The following SERPINB7 variants were observed in gnomAD, a reference collection of about 807,000 sequenced individuals.
SERPINB7 encodes serpin family B member 7.
Under a neutral mutation model 37.4 loss-of-function variants are expected in SERPINB7, and 31 were observed. That is an observed-to-expected ratio of 0.83 (90% CI 0.62 to 1.12). The LOEUF (loss-of-function observed/expected upper bound fraction) is 1.12. Ranked by LOEUF, SERPINB7 falls within the 50% of genes most tolerant of loss-of-function variation. SERPINB7 has a pLI of 0.00. For missense variants in SERPINB7, 521 were observed against 455.3 expected (o/e 1.14, Z -1.31); for synonymous variants, 163 against 166.1 (o/e 0.98, Z 0.14).
chr18:63,785,354 CT>C (rs1189673212), intron 2 of SERPINB7, among the ~76,000 whole-genome samples: 1 of 152,060 alleles, frequency 6.6e-6, no homozygotes, highest in East Asian at 1.9e-4. Flanking sequence ...GTTTCTTTTT[CT>C]TTTTGATGCT....
chr18:63,786,210 GTATATATATA>G lies in SERPINB7; in HGVS notation c.168+3685_168+3694del, dbSNP rs143561199. ...ACACACACCAGCATGGCACATACGT[GTATATATATA>G]TATATATATATATACACACACACAC... On this transcript the variant is annotated intron_variant, in intron 2 of 7. Coordinates refer to ENST00000398019, the MANE Select transcript of SERPINB7 (RefSeq NM_003784.4). 1.4e-4 allele frequency among the ~76,000 whole-genome samples: 9 copies of G among 64,302 alleles called. 1 individual carries two copies. The highest frequency in any genetic ancestry group is 4.8e-4 in the African/African-American group (9 of 18,584). 42.2% of individuals were successfully genotyped at this position (64,302 alleles called of 152,430 possible).
intron 1 of SERPINB7, among the ~76,000 whole-genome samples, chr18:63,754,035 G>A (rs1169125231): frequency 1.3e-5 from 2 of 152,186 alleles, no homozygotes; most frequent in Non-Finnish European, 2.9e-5. Flanking sequence ...AACAGAAATG[G>A]TAACAGCAGA....
intron 2 of SERPINB7, among the ~76,000 whole-genome samples, chr18:63,783,850 T>C (rs1378517091): frequency 6.6e-6 from 1 of 152,206 alleles, no homozygotes; most frequent in Non-Finnish European, 1.5e-5. Context: ...TTGTAACCTG[T>C]CATACCTCAG....
intron 1 of SERPINB7, among the ~76,000 whole-genome samples, chr18:63,759,289 C>A (rs535818711): frequency 2.0e-5 from 3 of 150,508 alleles, no homozygotes; most frequent in East Asian, 3.9e-4. Flanking sequence ...AATGCCATTA[C>A]CTGGAGCATT....
In SERPINB7 at chr18:63,796,217, CTTAG is replaced by C. The variant is rs750543949; in HGVS notation, c.337-46_337-43del. The stretch of plus-strand genomic sequence containing the variant: ...AGTTCAAAAATACATTTCTTATATA[CTTAG>C]TTGGTGATGATTTGTAAATACGAGA... On this transcript the variant is annotated intron_variant, in intron 4 of 7. Transcript: ENST00000398019. The C allele has an allele frequency of 1.3e-4, 136 of 1,050,318 alleles. 1 individual carries two copies. The East Asian group carries it at 2.5e-3, about 20-fold the overall frequency. 65.1% of individuals were successfully genotyped at this position (1,050,318 alleles called of 1,614,324 possible). A position where few individuals can be genotyped will look rare whatever the true frequency, so the allele number is the denominator to read the frequency against.
At chr18:63,788,067 T>C (rs1181388786) in intron 2 of SERPINB7, among the ~76,000 whole-genome samples, 1 of 152,220 alleles carries the variant, frequency 6.6e-6, no homozygotes, top group Admixed American at 6.5e-5. Context: ...TGACTATTAC[T>C]GATTTATGCA....
intron 1 of SERPINB7, among the ~76,000 whole-genome samples, chr18:63,775,958 T>A (rs562864061): frequency 5.3e-5 from 8 of 152,192 alleles, no homozygotes; most frequent in African/African-American, 1.7e-4. Context: ...GAGAACACTG[T>A]GACCCGTGGT....
rs143387249 is a variant in SERPINB7 at position 63,776,482 on chromosome 18, C to T, written c.-19+766C>T. 1.1e-4 allele frequency among the ~76,000 whole-genome samples: 17 copies of T among 151,858 alleles called. No individual in the cohort carries two copies. The East Asian group carries it at 2.9e-3, about 26-fold the overall frequency. On this transcript the variant is annotated intron_variant, in intron 1 of 7. Coordinates refer to ENST00000398019, the MANE Select transcript of SERPINB7 (RefSeq NM_003784.4). ...TTTGCCTTCTAAACCTTACTTCTAT[C>T]AGTGGCGTGGGAGCTGATGGCTACT...
At chr18:63,786,281 T>G (rs2049372145) in intron 2 of SERPINB7, among the ~76,000 whole-genome samples, 1 of 109,514 alleles carries the variant, frequency 9.1e-6, no homozygotes, top group African/African-American at 5.0e-5. Context: ...TTATTTTATA[T>G]ATTATATATA....
chr18:63,782,251 G>A, intron 1 of SERPINB7, 104 bp from the exon 2 acceptor site: 1 of 762,736 alleles, frequency 1.3e-6, no homozygotes, highest in Non-Finnish European at 1.8e-6. Flanking sequence ...CTCCAAGGCT[G>A]AAAAAAAATG....
chr18:63,802,179 C>G (rs892963665), intron 7 of SERPINB7, among the ~76,000 whole-genome samples: 2 of 152,182 alleles, frequency 1.3e-5, no homozygotes, highest in African/African-American at 4.8e-5. Flanking sequence ...TGCTGTGTCT[C>G]AAGTGAAAAG....
rs752099490 is a variant in SERPINB7 at position 63,796,305 on chromosome 18, G to A, written c.376G>A (p.Val126Met). The A allele has an allele frequency of 6.2e-7, 1 of 1,613,234 alleles. No homozygotes were observed. Among genetic ancestry groups the A allele is most frequent in the Non-Finnish European group, 8.5e-7 (1 of 1,179,482 alleles). The change falls in exon 5 of 8, where the codon GTG becomes ATG. Residue 126 changes from valine to methionine, a missense_variant. Physicochemically the swap from Val to Met is conservative, Grantham distance 21. Coordinates refer to ENST00000398019, the MANE Select transcript of SERPINB7 (RefSeq NM_003784.4). The part of the protein sequence containing the change: ...ECAEKLYDAK[V>M]ERVDFTNHLE... ...TGCCGAAAAATTATACGATGCCAAA[G>A]TGGAGCGAGTTGACTTTACGAATCA...
chr18:63,777,761 G>A (rs1410952103), intron 1 of SERPINB7: 1 of 151,652 alleles, frequency 6.6e-6, no homozygotes, highest in Non-Finnish European at 1.5e-5. Flanking sequence ...ATATTTCAGA[G>A]TAATGCAAAG....
intron 1 of SERPINB7, among the ~76,000 whole-genome samples, chr18:63,764,657 A>G (rs550103457): frequency 6.6e-6 from 1 of 152,282 alleles, no homozygotes; most frequent in East Asian, 1.9e-4. Context: ...TTGGCAAAAA[A>G]AATGGACATA....
intron 4 of SERPINB7, among the ~76,000 whole-genome samples, chr18:63,794,316 T>A (rs1173258640): frequency 6.6e-6 from 1 of 151,782 alleles, no homozygotes; most frequent in Non-Finnish European, 1.5e-5. Flanking sequence ...ATCCTGTCCC[T>A]CCCCACTGCT....
chr18:63,770,764 G>A (rs370173294), upstream of SERPINB7, among the ~76,000 whole-genome samples: 2 of 152,092 alleles, frequency 1.3e-5, no homozygotes, highest in Admixed American at 6.6e-5. Context: ...TGAGATGAAT[G>A]TGTTCTCTAC....
chr18:63,768,351 G>A (rs571589705), intron 1 of SERPINB7, among the ~76,000 whole-genome samples: 19 of 151,280 alleles, frequency 1.3e-4, no homozygotes, highest in African/African-American at 2.4e-4. Context: ...AATTTGACTC[G>A]CACCATCTTT....
chr18:63,787,294 A>T (rs2144622463), intron 2 of SERPINB7, among the ~76,000 whole-genome samples: 1 of 152,254 alleles, frequency 6.6e-6, no homozygotes, highest in East Asian at 1.9e-4. Context: ...TTGAATCTAC[A>T]ATTTCTTGGA....
At chr18:63,798,020 AC>A (rs2049506473) in intron 5 of SERPINB7, among the ~76,000 whole-genome samples, 3 of 152,178 alleles carry the variant, frequency 2.0e-5, no homozygotes, top group African/African-American at 7.2e-5. Context: ...CTGAGGTCAG[AC>A]CTCTATGTTA....
Sources: gnomAD v4.1 joint callset for allele counts (sites outside exome capture counted in the v4.1 genomes callset) on GRCh38, gnomAD v4.1.1 for gene constraint, MANE v1.5 for transcripts, NCBI Gene and HGNC (gene_info 2026-07-23, HGNC 2026-07-21) for gene names.